Variants in LRRK1 observed in about 807,000 individuals in gnomAD.
The protein encoded by LRRK1 is leucine rich repeat kinase 1, also known as leucine-rich repeat serine/threonine-protein kinase 1.
In LRRK1, 113 loss-of-function variants were observed where a neutral mutation model predicts 209.1. That is an observed-to-expected ratio of 0.54 (90% CI 0.46 to 0.63). The LOEUF (loss-of-function observed/expected upper bound fraction) is 0.63. Among genes scored for constraint, LRRK1 ranks in the 30% least tolerant of loss-of-function variants. The pLI is 0.00. For synonymous variants in LRRK1, 1,144 were observed against 1,099.7 expected (o/e 1.04, Z -0.80); for missense variants, 2,284 against 2,632.2 (o/e 0.87, Z 2.89).
intron 2 of LRRK1, among the ~76,000 whole-genome samples, chr15:100,940,999 G>A (rs2042389968): frequency 6.6e-6 from 1 of 152,202 alleles, no homozygotes; most frequent in South Asian, 2.1e-4. Context: ...GGACTCTGAG[G>A]CCCAAGGGGG....
At chr15:100,982,941 G>A (rs1283515841) in intron 3 of LRRK1, among the ~76,000 whole-genome samples, 5 of 152,210 alleles carry the variant, frequency 3.3e-5, no homozygotes, top group Admixed American at 2.6e-4. Context: ...CAGGTATTCC[G>A]GTTGGAGGAT....
intron 2 of LRRK1, among the ~76,000 whole-genome samples, chr15:100,959,294 A>G (rs2042825253): frequency 6.6e-6 from 1 of 152,180 alleles, no homozygotes; most frequent in African/African-American, 2.4e-5. Context: ...CTAGATAGGC[A>G]CCCACGGCAG....
At chr15:101,051,200 T>C (rs1441740065) in intron 23 of LRRK1, among the ~76,000 whole-genome samples, 1 of 152,252 alleles carries the variant, frequency 6.6e-6, no homozygotes, top group East Asian at 1.9e-4. Flanking sequence ...GGTGTTTCTC[T>C]GCACCTCCTC....
At chr15:101,010,951 A>G (rs185527259) in intron 9 of LRRK1, 114 bp downstream of exon 9, 65 of 889,188 alleles carry the variant, frequency 7.3e-5, no homozygotes, top group Non-Finnish European at 1.1e-4. Flanking sequence ...GAAGCCGGGT[A>G]GAAGGGCCCG....
rs781431454 is a variant in LRRK1, at chr15:101,027,781, C to T, written c.2670C>T (p.Tyr890=). Residue 890 remains tyrosine (Y), a synonymous_variant, in exon 19 of 34, where the codon TAC becomes TAT. Coordinates refer to ENST00000388948, the MANE Select transcript of LRRK1 (RefSeq NM_024652.6). This position sits in a 1 kb window ranked among gnomAD's most constrained non-coding sequence, Gnocchi z 5.1. ...CGCCCGACAACGACATCAAGGACTA[C>T]GAGGACCTGCAGTCAGGTGGGTGGG... ...EQTPDNDIKD[Y]EDLQSAISFL... 18 of 1,587,708 alleles carry T rather than the reference C, an allele frequency of 1.1e-5. No individual in the cohort carries two copies. The highest frequency in any genetic ancestry group is 1.8e-5 in the Admixed American group (1 of 55,386).
chr15:101,027,448 C>A lies in LRRK1; in HGVS notation c.2526+67C>A. ...TCCCATTGTTGGGGGTCCTCACTTC[C>A]CCCTCTCTCCTGTGAAGCCCATGTC... On this transcript the variant is annotated intron_variant, in intron 18 of 33. Coordinates refer to ENST00000388948, the MANE Select transcript of LRRK1 (RefSeq NM_024652.6). This position sits in a 1 kb window ranked among gnomAD's most constrained non-coding sequence, Gnocchi z 5.1. The A allele has an allele frequency of 1.3e-6, 2 of 1,577,230 alleles. No individual in the cohort carries two copies. Among genetic ancestry groups the A allele is most frequent in the East Asian group, 2.2e-5 (1 of 44,484 alleles).
At chr15:101,045,295 T>G (rs1225059721) in intron 20 of LRRK1, among the ~76,000 whole-genome samples, 1 of 152,236 alleles carries the variant, frequency 6.6e-6, no homozygotes, top group South Asian at 2.1e-4. Context: ...GTCCTGTACC[T>G]GTCCAGTGCC....
intron 20 of LRRK1, among the ~76,000 whole-genome samples, chr15:101,043,492 C>A (rs976351547): frequency 1.4e-4 from 21 of 152,138 alleles, no homozygotes; most frequent in Admixed American, 2.6e-4. Context: ...GATCTGACAA[C>A]TTTCAGATTG....
chr15:100,933,743 A>AC, intron 2 of LRRK1, among the ~76,000 whole-genome samples: 1 of 140,280 alleles, frequency 7.1e-6, no homozygotes, highest in Non-Finnish European at 1.5e-5. Flanking sequence ...AATCGCTTGA[A>AC]CCTGGGAAGC....
intron 2 of LRRK1, among the ~76,000 whole-genome samples, chr15:100,926,680 C>CTTTTTTTTTTTTTTTTTTT (rs71151990): frequency 1.0e-3 from 84 of 81,824 alleles, no homozygotes; most frequent in East Asian, 1.6e-3. Context: ...TTCTTTTTTT[C>CTTTTTTTTTTTTTTTTTTT]TTTTTTTTTT....
chr15:101,022,901 G>A lies in LRRK1; in HGVS notation c.2067+304G>A, dbSNP rs946861915. ...CCTCCCCAGCTTAAATGATCCACCT[G>A]CCCTGTATGTTTCTGTTATAGTTAC... On this transcript the variant is annotated intron_variant, in intron 15 of 33. Transcript: ENST00000388948. This position sits in a 1 kb window ranked among gnomAD's most constrained non-coding sequence, Gnocchi z 4.0. Among the ~76,000 whole-genome samples the A allele has an allele frequency of 1.3e-5, 2 of 151,396 alleles. No homozygotes were observed. The highest frequency in any genetic ancestry group is 4.9e-5 in the African/African-American group (2 of 41,220).
intron 33 of LRRK1, among the ~76,000 whole-genome samples, chr15:101,066,991 CCCTA>C (rs1270943877): frequency 6.6e-6 from 1 of 152,206 alleles, no homozygotes; most frequent in Non-Finnish European, 1.5e-5. Flanking sequence ...CTACCTAGTA[CCCTA>C]CCTAACGAAT....
intron 6 of LRRK1, chr15:100,989,600 CTG>C (rs1356008692): frequency 6.6e-6 from 4 of 602,600 alleles, no homozygotes; most frequent in Non-Finnish European, 8.7e-6. Context: ...GACCAACAGA[CTG>C]AGAGAGGGAA....
chr15:101,002,042 G>A (rs1249195804), intron 6 of LRRK1, among the ~76,000 whole-genome samples: 1 of 152,252 alleles, frequency 6.6e-6, no homozygotes, highest in African/African-American at 2.4e-5. Context: ...TGGGGTGCCA[G>A]CCACATCTGC....
Position 100,951,962 on chromosome 15 carries a change from A to AT in LRRK1, c.98-21842_98-21841insT, listed in dbSNP as rs1266725261. Among the ~76,000 whole-genome samples, 1,134 of 139,052 alleles carry AT rather than the reference A, an allele frequency of 8.2e-3. 15 individuals are homozygous for AT. The highest frequency in any genetic ancestry group is 0.027 in the African/African-American group (1,041 of 39,212). 91.2% of individuals were successfully genotyped at this position (139,052 alleles called of 152,430 possible). On this transcript the variant is annotated intron_variant, in intron 2 of 33. Transcript: ENST00000388948. ...GAGCGAAACTCCATCTCAGAAAAAA[A>AT]AAAATAATAATAATAATAATAATAA...
intron 20 of LRRK1, among the ~76,000 whole-genome samples, chr15:101,040,040 A>G (rs1017615285): frequency 1.3e-5 from 2 of 152,144 alleles, no homozygotes; most frequent in African/African-American, 2.4e-5. Context: ...CTTTGATGAA[A>G]AGTCTTTATG....
intron 2 of LRRK1, among the ~76,000 whole-genome samples, chr15:100,940,129 T>C (rs1413435741): frequency 6.6e-6 from 1 of 152,216 alleles, no homozygotes; most frequent in African/African-American, 2.4e-5. Context: ...TTGCTGATGA[T>C]GCCATGATTT....
intron 10 of LRRK1, 64 bp downstream of exon 10, chr15:101,012,209 G>A (rs2033286580): frequency 7.3e-7 from 1 of 1,373,442 alleles, no homozygotes; most frequent in African/African-American, 1.5e-5. Flanking sequence ...CCGTGTTGCA[G>A]TGAAATGTAT....
chr15:101,015,198 C>T (rs2033473475), intron 11 of LRRK1, 128 bp from the exon 12 acceptor site: 2 of 715,282 alleles, frequency 2.8e-6, no homozygotes, highest in African/African-American at 3.5e-5. Context: ...GCGTGCGCCC[C>T]TGCCAGGCCC....
Sources: allele counts gnomAD v4.1 joint callset (sites outside exome capture counted in the v4.1 genomes callset), GRCh38; gene constraint gnomAD v4.1.1; non-coding constraint Gnocchi (gnomAD v3.1); transcripts MANE v1.5; gene names NCBI Gene and HGNC (gene_info 2026-07-23, HGNC 2026-07-21).